Variants in NRG1 observed in about 807,000 individuals in gnomAD.
NRG1 encodes the protein pro-neuregulin-1, membrane-bound isoform.
Under a neutral mutation model 63.8 loss-of-function variants are expected in NRG1, and 18 were observed. The ratio of observed to expected loss-of-function variants is 0.28; its 90% confidence interval spans 0.19 to 0.42. NRG1 has a LOEUF of 0.42. Among genes scored for constraint, NRG1 ranks in the 10% least tolerant of loss-of-function variants. The pLI is 1.00. For missense variants in NRG1, 762 were observed against 814.7 expected (o/e 0.94, Z 0.79); for synonymous variants, 302 against 301.3 (o/e 1.00, Z -0.02).
At chr8:32,003,435 A>G (rs1006807069) in intron 1 of NRG1, among the ~76,000 whole-genome samples, 2 of 152,044 alleles carry the variant, frequency 1.3e-5, no homozygotes, top group South Asian at 4.1e-4. Context: ...ATTCTGGGCC[A>G]TAACATTTAT....
At chr8:31,871,485 C>T (rs901738539) in intron 1 of NRG1, among the ~76,000 whole-genome samples, 1 of 152,088 alleles carries the variant, frequency 6.6e-6, no homozygotes, top group Non-Finnish European at 1.5e-5. Context: ...TTAAACTTTT[C>T]TCGGTGTTCT....
intron 5 of NRG1, among the ~76,000 whole-genome samples, chr8:32,621,684 A>G (rs550408564): frequency 1.3e-5 from 2 of 152,364 alleles, no homozygotes; most frequent in Non-Finnish European, 2.9e-5. Flanking sequence ...TGTTTCAAAT[A>G]TGAATAACAG....
In NRG1 at chr8:32,527,946, C is replaced by A. The variant is rs367919439; in HGVS notation, c.38-67882C>A. Among the ~76,000 whole-genome samples, 5 of 152,310 alleles carry A rather than the reference C, an allele frequency of 3.3e-5. No homozygotes were observed. In the East Asian group the frequency reaches 9.7e-4, roughly 29 times the overall value. On this transcript the variant is annotated intron_variant, in intron 1 of 10. Transcript: ENST00000519301. Reference sequence around the variant, plus strand: ...CTTCTCCCCAGTTCTCCTGCAATCACCCAGGCGTGGTCATGGTTGTCTCTT... The same window carrying A: ...CTTCTCCCCAGTTCTCCTGCAATCAACCAGGCGTGGTCATGGTTGTCTCTT...
chr8:32,630,857 T>A (rs1383696459), intron 5 of NRG1, among the ~76,000 whole-genome samples: 2 of 152,154 alleles, frequency 1.3e-5, no homozygotes, highest in Non-Finnish European at 2.9e-5. Flanking sequence ...AAATGAAACT[T>A]GAATGGCACT....
At chr8:32,648,042 C>T in intron 5 of NRG1, 3 of 1,614,108 alleles carry the variant, frequency 1.9e-6, no homozygotes, top group East Asian at 2.2e-5. Context: ...ATATGACTCT[C>T]CTACTCACCT....
At chr8:31,673,903 T>C (rs1011196576) in intron 1 of NRG1, among the ~76,000 whole-genome samples, 1 of 151,764 alleles carries the variant, frequency 6.6e-6, no homozygotes, top group African/African-American at 2.4e-5. Flanking sequence ...AACACCATAA[T>C]CTAATTTTAG....
At chr8:32,740,878 G>A (rs1351426081) in intron 6 of NRG1, among the ~76,000 whole-genome samples, 1 of 152,164 alleles carries the variant, frequency 6.6e-6, no homozygotes, top group East Asian at 1.9e-4. Flanking sequence ...AAAGGGTTGT[G>A]TAAAAATCAC....
chr8:31,698,090 G>C (rs1183458706), intron 1 of NRG1, among the ~76,000 whole-genome samples: 1 of 152,028 alleles, frequency 6.6e-6, no homozygotes, highest in Non-Finnish European at 1.5e-5. Context: ...GTGTATGTCG[G>C]TACTGTCACT....
intron 1 of NRG1, among the ~76,000 whole-genome samples, chr8:32,283,498 G>A (rs1491001721): frequency 6.6e-6 from 1 of 152,088 alleles, no homozygotes; most frequent in Non-Finnish European, 1.5e-5. Flanking sequence ...CCCAAAGTTA[G>A]AACGCAATGA....
intron 1 of NRG1, among the ~76,000 whole-genome samples, chr8:32,367,437 T>C (rs1808221387): frequency 6.6e-6 from 1 of 152,052 alleles, no homozygotes; most frequent in Non-Finnish European, 1.5e-5. Context: ...TGCTAGCCAA[T>C]TGTATGTATT....
At chr8:31,919,989 A>G (rs1368893719) in intron 1 of NRG1, among the ~76,000 whole-genome samples, 4 of 152,150 alleles carry the variant, frequency 2.6e-5, no homozygotes, top group Non-Finnish European at 5.9e-5. Flanking sequence ...TTTTTGTCTT[A>G]TGGCCTCTGT....
intron 1 of NRG1, among the ~76,000 whole-genome samples, chr8:32,294,983 C>G (rs981231957): frequency 1.3e-5 from 2 of 152,118 alleles, no homozygotes; most frequent in African/African-American, 4.8e-5. Flanking sequence ...TCTAGCAATT[C>G]TGAGAGAAAT....
intron 1 of NRG1, among the ~76,000 whole-genome samples, chr8:32,170,112 G>C (rs1329998016): frequency 6.6e-6 from 1 of 152,170 alleles, no homozygotes; most frequent in African/African-American, 2.4e-5. Context: ...GCCCTTAGAG[G>C]AAGCAGGGCC....
At chr8:31,701,976 A>G (rs1459811503) in intron 1 of NRG1, among the ~76,000 whole-genome samples, 2 of 152,146 alleles carry the variant, frequency 1.3e-5, no homozygotes, top group Non-Finnish European at 2.9e-5. Flanking sequence ...GCCCCACCTA[A>G]CCTATTGAGT....
Position 32,742,714 on chromosome 8 carries a change from C to T in NRG1, c.672C>T (p.Tyr224=), listed in dbSNP as rs543706905. 146 of 1,613,572 alleles carry T rather than the reference C, an allele frequency of 9.0e-5. No individual in the cohort carries two copies. Among genetic ancestry groups the T allele is most frequent in the Non-Finnish European group, 1.1e-4 (134 of 1,179,722 alleles). Residue 224 remains tyrosine, a synonymous_variant, in exon 7 of 12, where the codon TAC becomes TAT. Transcript: ENST00000356819. The surrounding 1 kb of genome is among the most constrained non-coding windows in gnomAD (Gnocchi z 4.2). ...TTACTGGTGATCGCTGCCAAAACTA[C>T]GTAATGGCCAGCTTCTACAGTACGT...
chr8:32,768,525 C>A, downstream of NRG1, among the ~76,000 whole-genome samples: 1 of 152,206 alleles, frequency 6.6e-6, no homozygotes, highest in Non-Finnish European at 1.5e-5. Flanking sequence ...AAGTTAGGTT[C>A]ATTCCCCTTA....
chr8:32,757,017 C>A (rs955985941), intron 9 of NRG1, among the ~76,000 whole-genome samples: 1 of 152,076 alleles, frequency 6.6e-6, no homozygotes, highest in African/African-American at 2.4e-5. Flanking sequence ...TCCTTTAGGG[C>A]GTGGAAAGGT....
At chr8:32,206,272 A>G (rs1007209695) in intron 1 of NRG1, among the ~76,000 whole-genome samples, 1 of 152,138 alleles carries the variant, frequency 6.6e-6, no homozygotes, top group African/African-American at 2.4e-5. Context: ...GGTATCCTAC[A>G]TTATCCTGCT....
intron 1 of NRG1, among the ~76,000 whole-genome samples, chr8:32,567,465 C>A (rs932108476): frequency 6.6e-6 from 1 of 152,172 alleles, no homozygotes; most frequent in Non-Finnish European, 1.5e-5. Flanking sequence ...TAGTCTGATG[C>A]TTAGCCTTCA....
Sources: gnomAD v4.1 joint callset for allele counts (sites outside exome capture counted in the v4.1 genomes callset) on GRCh38, gnomAD v4.1.1 for gene constraint, Gnocchi (gnomAD v3.1) non-coding constraint, MANE v1.5 for transcripts, NCBI Gene and HGNC (gene_info 2026-07-23, HGNC 2026-07-21) for gene names.